The following GDA variants were observed in gnomAD, a reference collection of about 807,000 sequenced individuals.
GDA encodes cytoplasmic PSD-95 interactor.
A neutral mutation model predicts 59.6 loss-of-function variants in GDA; 18 were observed. The ratio of observed to expected loss-of-function variants is 0.30; its 90% CI spans 0.21 to 0.45. The LOEUF (loss-of-function observed/expected upper bound fraction) is 0.45. GDA is among the 20% of genes least tolerant of loss of function. The pLI, the probability that GDA is intolerant of heterozygous loss-of-function variation, is 1.00. For synonymous variants in GDA, 201 were observed against 201.1 expected (o/e 1.00, Z 0.00); for missense variants, 427 against 552.3 (o/e 0.77, Z 2.27).
chr9:72,171,210 T>C (rs1023874539), intron 1 of GDA, among the ~76,000 whole-genome samples: 3 of 152,220 alleles, frequency 2.0e-5, no homozygotes, highest in African/African-American at 7.2e-5. Context: ...ATCTATTGTA[T>C]ATTCCATCTG....
Position 72,247,775 on chromosome 9 carries a change from C to T in GDA, c.1294+342C>T, listed in dbSNP as rs1194240602. ...TTGTGACAAATGTATAGTAGAGTCT[C>T]ACCACACGTGCTGGTGATGTACTCA... On this transcript the variant is annotated intron_variant, in intron 13 of 13. Coordinates refer to ENST00000358399, the MANE Select transcript of GDA (RefSeq NM_004293.5). Among the ~76,000 whole-genome samples, 5 of 152,194 alleles carry T rather than the reference C, an allele frequency of 3.3e-5. No individual in the cohort carries two copies. The East Asian group carries it at 9.6e-4, about 29-fold the overall frequency.
intron 11 of GDA, among the ~76,000 whole-genome samples, chr9:72,244,046 G>A (rs748039762): frequency 1.1e-4 from 17 of 151,888 alleles, no homozygotes; most frequent in Admixed American, 2.0e-4. Flanking sequence ...GCGTGGTGGT[G>A]GGTGCCTGTA....
At chr9:72,212,300 G>A (rs1358620134) in intron 4 of GDA, among the ~76,000 whole-genome samples, 2 of 152,046 alleles carry the variant, frequency 1.3e-5, no homozygotes, top group Non-Finnish European at 2.9e-5. Flanking sequence ...GGCTAACATG[G>A]TGAAACCCTG....
intron 1 of GDA, among the ~76,000 whole-genome samples, chr9:72,188,978 C>T (rs1240413501): frequency 6.6e-6 from 1 of 152,030 alleles, no homozygotes; most frequent in South Asian, 2.1e-4. Context: ...TAATTGGAGT[C>T]TGTTACTCTT....
intron 5 of GDA, among the ~76,000 whole-genome samples, chr9:72,216,352 C>T (rs1420990647): frequency 5.3e-5 from 8 of 152,046 alleles, no homozygotes; most frequent in African/African-American, 1.9e-4. Flanking sequence ...CTGATAACTA[C>T]AAGTAAGAAA....
chr9:72,230,505 T>G (rs199832498), intron 9 of GDA, among the ~76,000 whole-genome samples: 1 of 141,036 alleles, frequency 7.1e-6, no homozygotes, highest in Non-Finnish European at 1.6e-5. Context: ...AAAAAAAATA[T>G]ATATATATAT....
At chr9:72,199,593 C>A (rs955456248) in intron 2 of GDA, among the ~76,000 whole-genome samples, 3 of 152,206 alleles carry the variant, frequency 2.0e-5, no homozygotes, top group Non-Finnish European at 4.4e-5. Flanking sequence ...ACAGGACTTT[C>A]TCAAACACTC....
At chr9:72,178,413 A>ATTTTTTTT (rs145032320) in intron 1 of GDA, among the ~76,000 whole-genome samples, 1 of 117,170 alleles carries the variant, frequency 8.5e-6, no homozygotes, top group African/African-American at 3.4e-5. Flanking sequence ...TGGAATCGAT[A>ATTTTTTTT]TTTTTTTTTT....
intron 1 of GDA, among the ~76,000 whole-genome samples, chr9:72,153,863 A>G (rs1222488075): frequency 6.7e-6 from 1 of 149,066 alleles, no homozygotes; most frequent in Non-Finnish European, 1.5e-5. Context: ...ACCTAATGCT[A>G]AATGACGAGT....
intron 1 of GDA, among the ~76,000 whole-genome samples, chr9:72,176,451 G>A (rs986797979): frequency 6.6e-6 from 1 of 152,314 alleles, no homozygotes. Flanking sequence ...GAAGAGTGTC[G>A]AAGATTTTGT....
At chr9:72,132,035 T>C (rs1826042308) in intron 1 of GDA, among the ~76,000 whole-genome samples, 1 of 152,102 alleles carries the variant, frequency 6.6e-6, no homozygotes, top group Non-Finnish European at 1.5e-5. Context: ...TTTAAAACCA[T>C]CAGATCTTAT....
upstream of GDA, among the ~76,000 whole-genome samples, chr9:72,145,863 T>C (rs368678202): frequency 6.6e-6 from 1 of 152,334 alleles, no homozygotes; most frequent in East Asian, 1.9e-4. Flanking sequence ...ACACCCACTA[T>C]AGCCTCTTAA....
downstream of GDA, among the ~76,000 whole-genome samples, chr9:72,255,136 A>C (rs73650313): frequency 5.3e-3 from 808 of 152,344 alleles, 18 homozygotes; most frequent in African/African-American, 0.019. Context: ...GCTAACTCAT[A>C]GGCAGTGCAG....
intron 4 of GDA, among the ~76,000 whole-genome samples, chr9:72,212,987 C>T (rs900122639): frequency 2.0e-5 from 3 of 151,840 alleles, no homozygotes; most frequent in Non-Finnish European, 4.4e-5. Flanking sequence ...TTAAAAACAC[C>T]CAGCCAAGCA....
chr9:72,218,534 C>G (rs1451121854), intron 5 of GDA, among the ~76,000 whole-genome samples: 3 of 152,178 alleles, frequency 2.0e-5, no homozygotes, highest in Non-Finnish European at 4.4e-5. Context: ...AGGCAGAAAA[C>G]TACAGCTGCC....
At chr9:72,154,881 C>G (rs980718346) in intron 1 of GDA, among the ~76,000 whole-genome samples, 1 of 152,154 alleles carries the variant, frequency 6.6e-6, no homozygotes, top group African/African-American at 2.4e-5. Context: ...GTGACTCATT[C>G]CTGAGCCAAA....
intron 6 of GDA, 102 bp from the exon 7 acceptor site, chr9:72,223,018 T>G: frequency 1.5e-6 from 1 of 652,350 alleles, no homozygotes; most frequent in Non-Finnish European, 2.7e-6. Context: ...CTTCCAGGGT[T>G]TTTATAGTTT....
intron 1 of GDA, among the ~76,000 whole-genome samples, chr9:72,189,496 A>C (rs1019396106): frequency 2.6e-5 from 4 of 152,092 alleles, no homozygotes; most frequent in Non-Finnish European, 4.4e-5. Context: ...TGGACTTTTG[A>C]ATTGATGCTG....
In GDA at chr9:72,117,270, G is replaced by A. The variant is rs1486162596; in HGVS notation, c.-100+2437G>A. Reference sequence around the variant, plus strand: ...CTGTAGGAATTTTTCACTTCACAAAGAAATAAAGAAAATAAGACAGAATAT... The same window carrying A: ...CTGTAGGAATTTTTCACTTCACAAAAAAATAAAGAAAATAAGACAGAATAT... On this transcript the variant is annotated intron_variant, in intron 1 of 13. Transcript: ENST00000545168. Among the ~76,000 whole-genome samples the A allele has an allele frequency of 2.6e-5, 4 of 151,894 alleles. No individual in the cohort carries two copies. In the South Asian group the frequency reaches 6.2e-4, roughly 24 times the overall value.
Sources: gnomAD v4.1 joint callset for allele counts (sites outside exome capture counted in the v4.1 genomes callset) on GRCh38, gnomAD v4.1.1 for gene constraint, MANE v1.5 for transcripts, NCBI Gene and HGNC (gene_info 2026-07-23, HGNC 2026-07-21) for gene names.